OR10J1: variants seen among roughly 807,000 people sequenced by gnomAD.
OR10J1 encodes the protein olfactory receptor 10J1.
For missense variants in OR10J1, 474 were observed against 376.6 expected, an observed-to-expected ratio of 1.26 and a Z score of -2.14; for synonymous variants, 202 against 143.8, an observed-to-expected ratio of 1.40 and a Z score of -2.89.
At chr1:159,405,200 C>T in the OR10J1 span, among the ~76,000 whole-genome samples, 2 of 152,128 alleles carry the variant, frequency 1.3e-5, no homozygotes, top group Non-Finnish European at 2.9e-5. Context: ...TTAACACTTT[C>T]CATTTTCACC....
At chr1:159,424,807 G>T in the OR10J1 span, among the ~76,000 whole-genome samples, 1 of 151,978 alleles carries the variant, frequency 6.6e-6, no homozygotes, top group African/African-American at 2.4e-5. Flanking sequence ...AGGAAGAACA[G>T]CATCAAGGAA....
At chr1:159,401,450 T>C in the OR10J1 span, among the ~76,000 whole-genome samples, 1 of 151,918 alleles carries the variant, frequency 6.6e-6, no homozygotes, top group Non-Finnish European at 1.5e-5. Context: ...ATTCAAAGGA[T>C]GATTAGTGGC....
chr1:159,416,400 T>A, the OR10J1 span, among the ~76,000 whole-genome samples: 11 of 152,010 alleles, frequency 7.2e-5, no homozygotes, highest in African/African-American at 2.2e-4. Flanking sequence ...GGGGGAATAT[T>A]GCAAAATAAT....
Position 159,440,796 on chromosome 1 carries a change from C to T in OR10J1, c.*75C>T. 6.7e-7 allele frequency: 1 copy of T among 1,488,984 alleles called. No individual in the cohort carries two copies. The highest frequency in any genetic ancestry group is 9.0e-7 in the Non-Finnish European group (1 of 1,107,004). The allele number at this position is 1,488,984 out of a possible 1,614,324, so 92.2% of individuals were successfully genotyped here. On this transcript the variant is annotated 3_prime_UTR_variant, in exon 1 of 1. Transcript: ENST00000423932. ...AATATGAGGTGTAAACTCACAAACA[C>T]TTGGCTCCTAGAGACCTGCCCCTTA...
the OR10J1 span, among the ~76,000 whole-genome samples, chr1:159,413,311 C>T: frequency 1.1e-4 from 17 of 152,104 alleles, no homozygotes; most frequent in Admixed American, 3.9e-4. Context: ...ACTAGAAATA[C>T]CATTTGACCC....
upstream of OR10J1, among the ~76,000 whole-genome samples, chr1:159,436,449 T>C (rs938581169): frequency 6.6e-6 from 1 of 152,134 alleles, no homozygotes; most frequent in Non-Finnish European, 1.5e-5. Context: ...CCCTCCCCTC[T>C]GGGCCAATTG....
At chr1:159,400,158 G>C in the OR10J1 span, among the ~76,000 whole-genome samples, 1 of 151,862 alleles carries the variant, frequency 6.6e-6, no homozygotes, top group South Asian at 2.1e-4. Context: ...AATGGCAAGA[G>C]TAAGTGTGCA....
At chr1:159,415,154 T>C in the OR10J1 span, among the ~76,000 whole-genome samples, 70,526 of 151,990 alleles carry the variant, frequency 0.46, 19,776 homozygotes, top group Middle Eastern at 0.64. Flanking sequence ...TGCATCAGTA[T>C]TCTGAAGGGT....
the OR10J1 span, among the ~76,000 whole-genome samples, chr1:159,409,411 C>T: frequency 6.6e-6 from 1 of 151,590 alleles, no homozygotes; most frequent in East Asian, 1.9e-4. Flanking sequence ...CATCAAATTC[C>T]ACTTTCTTTT....
chr1:159,425,071 C>T, the OR10J1 span, among the ~76,000 whole-genome samples: 1 of 152,088 alleles, frequency 6.6e-6, no homozygotes, highest in Non-Finnish European at 1.5e-5. Flanking sequence ...TGAAACAATG[C>T]CTTCAAAATT....
At chr1:159,400,922 C>G in the OR10J1 span, among the ~76,000 whole-genome samples, 1 of 151,880 alleles carries the variant, frequency 6.6e-6, no homozygotes, top group East Asian at 1.9e-4. Flanking sequence ...CAAGCATCTT[C>G]TCTGGCCAAA....
chr1:159,411,446 T>G, the OR10J1 span, among the ~76,000 whole-genome samples: 2 of 152,222 alleles, frequency 1.3e-5, no homozygotes, highest in African/African-American at 2.4e-5. Flanking sequence ...CCTTTACTAT[T>G]ATGCAGTGGC....
At chr1:159,421,929 C>A in the OR10J1 span, among the ~76,000 whole-genome samples, 2 of 152,178 alleles carry the variant, frequency 1.3e-5, no homozygotes, top group South Asian at 4.1e-4. Flanking sequence ...TTCTTAAGCA[C>A]CTGGGCGTCA....
At chr1:159,398,915 A>G in the OR10J1 span, among the ~76,000 whole-genome samples, 1 of 152,184 alleles carries the variant, frequency 6.6e-6, no homozygotes, top group Non-Finnish European at 1.5e-5. Flanking sequence ...CTAGAGAAAG[A>G]TATCAATAGC....
the OR10J1 span, among the ~76,000 whole-genome samples, chr1:159,418,813 A>G: frequency 6.6e-6 from 1 of 152,162 alleles, no homozygotes; most frequent in African/African-American, 2.4e-5. Context: ...GCTAGAAGGG[A>G]GGTTGTACCT....
chr1:159,431,043 C>T, the OR10J1 span, among the ~76,000 whole-genome samples: 2 of 152,108 alleles, frequency 1.3e-5, no homozygotes, highest in African/African-American at 4.8e-5. Flanking sequence ...AAAAAACCTT[C>T]CAAGCCTACA....
At chr1:159,433,666 C>A (rs1216589607), upstream of OR10J1, among the ~76,000 whole-genome samples, 1 of 152,136 alleles carries the variant, frequency 6.6e-6, no homozygotes, top group Non-Finnish European at 1.5e-5. Context: ...TTCCCCTGCC[C>A]CATCCTGCTT....
chr1:159,415,276 TC>T, the OR10J1 span, among the ~76,000 whole-genome samples: 1 of 152,038 alleles, frequency 6.6e-6, no homozygotes, highest in Non-Finnish European at 1.5e-5. Context: ...CCACTTTTAT[TC>T]TTCTGCATAT....
At chr1:159,415,564 G>A in the OR10J1 span, among the ~76,000 whole-genome samples, 1 of 151,782 alleles carries the variant, frequency 6.6e-6, no homozygotes, top group Non-Finnish European at 1.5e-5. Flanking sequence ...CTCTTTTTTG[G>A]TTCCATACAA....
Sources: gnomAD v4.1 joint callset for allele counts (sites outside exome capture counted in the v4.1 genomes callset) on GRCh38, gnomAD v4.1.1 for gene constraint, MANE v1.5 for transcripts, NCBI Gene and HGNC (gene_info 2026-07-23, HGNC 2026-07-21) for gene names.